Variants in TTPA observed in about 807,000 individuals in gnomAD.
TTPA encodes alpha tocopherol transfer protein.
Under a neutral mutation model 25.9 loss-of-function variants are expected in TTPA, and 23 were observed. The ratio of observed to expected loss-of-function variants is 0.89; its 90% CI spans 0.64 to 1.26. The LOEUF is 1.26. Ranked by LOEUF, TTPA falls within the 50% of genes most tolerant of loss-of-function variation. The probability of loss-of-function intolerance (pLI) is 0.00; values close to 1 mark genes in which losing one functional copy is unlikely to be tolerated. For missense variants in TTPA, 337 were observed against 353.1 expected, an observed-to-expected ratio of 0.95 and a Z score of 0.37; for synonymous variants, 148 against 137.3, an observed-to-expected ratio of 1.08 and a Z score of -0.54.
At position 63,059,492 on chromosome 8, in the gene TTPA, T is replaced by C. The variant is rs1336575004; in HGVS notation, c.*1760A>G. ...AGCTCACCTGATTAAACTAATTTTC[T>C]TATAAAGAAAAACACCCTTCACATA... On this transcript the variant is annotated 3_prime_UTR_variant, in exon 5 of 5. Coordinates refer to ENST00000260116, the MANE Select transcript of TTPA (RefSeq NM_000370.3). 6.6e-6 allele frequency among the ~76,000 whole-genome samples: 1 copy of C among 152,164 alleles called. No individual in the cohort carries two copies. Among genetic ancestry groups the C allele is most frequent in the Non-Finnish European group, 1.5e-5 (1 of 68,022 alleles).
At chr8:63,063,971 G>A (rs1350551953) in intron 4 of TTPA, among the ~76,000 whole-genome samples, 2 of 152,014 alleles carry the variant, frequency 1.3e-5, no homozygotes, top group South Asian at 2.1e-4. Context: ...CCAACCAGCA[G>A]TGTATGAAAA....
intron 1 of TTPA, among the ~76,000 whole-genome samples, chr8:63,082,904 C>T (rs1044322970): frequency 2.0e-5 from 3 of 152,142 alleles, no homozygotes; most frequent in Admixed American, 6.5e-5. Context: ...CATCACTGGT[C>T]ATCAGAGAAA....
At chr8:63,059,183 C>T (rs1426083598), downstream of TTPA, among the ~76,000 whole-genome samples, 1 of 149,926 alleles carries the variant, frequency 6.7e-6, no homozygotes, top group African/African-American at 2.4e-5. Flanking sequence ...AGGCGCCCGC[C>T]ACTACGCCCG....
In TTPA at chr8:63,083,573, CATGTATATCT is replaced by C. The variant is rs554476804; in HGVS notation, c.204+2235_204+2244del. 2.0e-3 allele frequency among the ~76,000 whole-genome samples: 298 copies of C among 151,182 alleles called. 2 individuals carry two copies. The highest frequency in any genetic ancestry group is 7.1e-3 in the African/African-American group (294 of 41,138). On this transcript the variant is annotated intron_variant, in intron 1 of 4. Transcript: ENST00000260116. ...ATGGGTGCAGCAAACCAACATGGCA[CATGTATATCT>C]ATGTATCAAACCTGCACATTGTGCA... is the stretch of plus-strand genomic sequence containing the variant.
intron 1 of TTPA, among the ~76,000 whole-genome samples, chr8:63,074,799 G>A (rs964595611): frequency 1.3e-5 from 2 of 151,732 alleles, no homozygotes; most frequent in South Asian, 2.1e-4. Context: ...TTTTTCCTGT[G>A]GAATGATAAA....
rs553853197 is a variant in TTPA at position 63,059,884 on chromosome 8, G to A, written c.*1368C>T. 1 of 151,944 alleles carries A rather than the reference G, an allele frequency of 6.6e-6. No homozygotes were observed. Among genetic ancestry groups the A allele is most frequent in the Non-Finnish European group, 1.5e-5 (1 of 67,994 alleles). 9.4% of individuals were successfully genotyped at this position (151,944 alleles called of 1,614,324 possible). A position where few individuals can be genotyped will look rare whatever the true frequency, so the allele number is the denominator to read the frequency against. On this transcript the variant is annotated 3_prime_UTR_variant, in exon 5 of 5. Transcript: ENST00000260116. ...TATTTATTTTTGAAATAGAGACAGG[G>A]TCTCCCTGTATTGCCCAGGCTGGTC...
Position 63,061,156 on chromosome 8 carries a change from G to T in TTPA, c.*96C>A. 1.6e-6 allele frequency: 2 copies of T among 1,279,168 alleles called. No individual in the cohort carries two copies. Among genetic ancestry groups the T allele is most frequent in the Non-Finnish European group, 2.2e-6 (2 of 898,332 alleles). The allele number at this position is 1,279,168 out of a possible 1,614,324, so 79.2% of individuals were successfully genotyped here. ...ATTTTTAAAGTTCAGGCAAGCATTA[G>T]TTTAAAAGATTTGCTCCTTTTCTTT... On this transcript the variant is annotated 3_prime_UTR_variant, in exon 5 of 5. Coordinates refer to ENST00000260116, the MANE Select transcript of TTPA (RefSeq NM_000370.3).
At chr8:63,065,352 G>A (rs1210824915) in intron 3 of TTPA, among the ~76,000 whole-genome samples, 4 of 152,138 alleles carry the variant, frequency 2.6e-5, no homozygotes, top group Non-Finnish European at 4.4e-5. Context: ...ATATGTCATA[G>A]GCTCAGTGTG....
chr8:63,072,910 A>C, intron 2 of TTPA, 25 bp downstream of exon 2: 3 of 1,613,932 alleles, frequency 1.9e-6, no homozygotes, highest in Non-Finnish European at 2.5e-6. Flanking sequence ...AGAGGAGAAA[A>C]AAAAAAGAGT....
At chr8:63,077,491 C>T (rs1057070124) in intron 1 of TTPA, among the ~76,000 whole-genome samples, 6 of 152,254 alleles carry the variant, frequency 3.9e-5, no homozygotes, top group Non-Finnish European at 5.9e-5. Context: ...TAGCAACTGG[C>T]ACACAAGGAG....
chr8:63,068,122 A>C (rs1362858246), intron 2 of TTPA, among the ~76,000 whole-genome samples: 1 of 152,150 alleles, frequency 6.6e-6, no homozygotes, highest in African/African-American at 2.4e-5. Flanking sequence ...TGGATCCTCA[A>C]GGAAAAGATG....
intron 1 of TTPA, among the ~76,000 whole-genome samples, chr8:63,074,780 A>T (rs1228835840): frequency 6.6e-6 from 1 of 151,858 alleles, no homozygotes; most frequent in African/African-American, 2.4e-5. Context: ...TATAGAAATA[A>T]TGTGTTTTTT....
rs747176416 is a variant in TTPA, at chr8:63,060,254, A to T, written c.*998T>A. ...ATAAGAATGACCATAAGCAAAAGTT[A>T]AAATTACATTCTTGATTTGTTTAAA... On this transcript the variant is annotated 3_prime_UTR_variant, in exon 5 of 5. Coordinates refer to ENST00000260116, the MANE Select transcript of TTPA (RefSeq NM_000370.3). The T allele has an allele frequency of 2.6e-5, 4 of 152,244 alleles. No individual in the cohort carries two copies. The highest frequency in any genetic ancestry group is 5.9e-5 in the Non-Finnish European group (4 of 68,046). 9.4% of individuals were successfully genotyped at this position (152,244 alleles called of 1,614,324 possible).
chr8:63,080,582 C>T (rs891242795), intron 1 of TTPA, among the ~76,000 whole-genome samples: 1 of 151,558 alleles, frequency 6.6e-6, no homozygotes, highest in Non-Finnish European at 1.5e-5. Context: ...ATTAGCTGGG[C>T]GTGGTGGCGG....
At chr8:63,080,714 C>T (rs930686128) in intron 1 of TTPA, among the ~76,000 whole-genome samples, 12 of 131,916 alleles carry the variant, frequency 9.1e-5, no homozygotes, top group African/African-American at 2.4e-4. Context: ...AGCGAGACTC[C>T]GTATCAAAAA....
chr8:63,074,234 G>A (rs1585691984), intron 1 of TTPA, among the ~76,000 whole-genome samples: 1 of 152,156 alleles, frequency 6.6e-6, no homozygotes, highest in Non-Finnish European at 1.5e-5. Flanking sequence ...GGGAAATGCT[G>A]AGCCTTGGGA....
In TTPA at chr8:63,073,102, T is replaced by C; in HGVS notation, c.205-14A>G. ...GTTTTTTAGTAACTGAAAAATAAAA[T>C]TAAAATTGTCTACAAATGGCATACA... On this transcript the variant is annotated splice_polypyrimidine_tract_variant and intron_variant, in intron 1 of 4. Coordinates refer to ENST00000260116, the MANE Select transcript of TTPA (RefSeq NM_000370.3). 1 of 1,594,692 alleles carries C rather than the reference T, an allele frequency of 6.3e-7. No homozygotes were observed. The highest frequency in any genetic ancestry group is 8.6e-7 in the Non-Finnish European group (1 of 1,165,940).
intron 3 of TTPA, 64 bp from the exon 4 acceptor site, chr8:63,064,380 A>C: frequency 1.7e-6 from 2 of 1,147,750 alleles, no homozygotes; most frequent in Non-Finnish European, 2.6e-6. Context: ...CCTAATGTCA[A>C]GTTTCTTCTT....
At position 63,073,029 on chromosome 8, in the gene TTPA, G is replaced by C; in HGVS notation, c.264C>G (p.His88Gln). ...TTAGGAGGCCAATAATACTTCTAGG[G>C]TGTAGATCTGCACTTATTTCTGGAC... ...AECPEISADL[H>Q]PRSIIGLLKA... The change falls in exon 2 of 5, where the codon CAC (histidine) becomes CAG (glutamine). Residue 88 changes from histidine (H) to glutamine (Q), a missense_variant. His to Gln is a conservative substitution (Grantham distance 24). Transcript: ENST00000260116. 1 of 1,613,434 alleles carries C rather than the reference G, an allele frequency of 6.2e-7. No homozygotes were observed. The highest frequency in any genetic ancestry group is 8.5e-7 in the Non-Finnish European group (1 of 1,179,526).
Sources: gnomAD v4.1 joint callset for allele counts (sites outside exome capture counted in the v4.1 genomes callset) on GRCh38, gnomAD v4.1.1 for gene constraint, MANE v1.5 for transcripts, NCBI Gene and HGNC (gene_info 2026-07-23, HGNC 2026-07-21) for gene names.